MALRD1: variants seen among roughly 807,000 people sequenced by gnomAD.
The protein encoded by MALRD1 is MAM and LDL-receptor class A domain-containing protein 1.
In MALRD1, 247 loss-of-function variants were observed where a neutral mutation model predicts 242.1. The observed-to-expected ratio is 1.02, with a 90% CI of 0.92 to 1.13. The LOEUF (loss-of-function observed/expected upper bound fraction) is 1.13, where lower values mean the gene tolerates loss of function less well. Among genes scored for constraint, MALRD1 ranks in the 50% most tolerant of loss-of-function variants. The probability of loss-of-function intolerance (pLI) is 0.00; values close to 1 mark genes in which losing one functional copy is unlikely to be tolerated. For synonymous variants in MALRD1, 995 were observed against 866.6 expected (o/e 1.15, Z -2.60); for missense variants, 2,989 against 2,533.1 (o/e 1.18, Z -3.86).
intron 18 of MALRD1, among the ~76,000 whole-genome samples, chr10:19,250,291 CT>C (rs1839242061): frequency 6.6e-6 from 1 of 151,902 alleles, no homozygotes; most frequent in Non-Finnish European, 1.5e-5. Context: ...ACCTTCTTCA[CT>C]TTTTTCTAAA....
rs1425652239 is a variant in MALRD1 at position 19,384,569 on chromosome 10, A to G, written c.4442-2959A>G. 6.4e-5 allele frequency among the ~76,000 whole-genome samples: 8 copies of G among 124,418 alleles called. No homozygotes were observed. In the East Asian group the frequency reaches 1.7e-3, roughly 26 times the overall value. 81.6% of individuals were successfully genotyped at this position (124,418 alleles called of 152,430 possible). On this transcript the variant is annotated intron_variant, in intron 26 of 39. Transcript: ENST00000454679. The stretch of plus-strand genomic sequence containing the variant: ...ATATATTATATATTATATAGTGTAT[A>G]TAATATAATATTTACTATATATTAT...
chr10:19,498,611 C>T lies in MALRD1; in HGVS notation c.5285C>T (p.Ala1762Val). 4 of 1,550,110 alleles carry T rather than the reference C, an allele frequency of 2.6e-6. No individual in the cohort carries two copies. The highest frequency in any genetic ancestry group is 3.5e-6 in the Non-Finnish European group (4 of 1,146,756). Residue 1762 changes from alanine to valine, a missense_variant, in exon 31 of 40, where the codon GCC becomes GTC. Coordinates refer to ENST00000454679, the MANE Select transcript of MALRD1 (RefSeq NM_001142308.3). Reference sequence around the variant, plus strand: ...TGGGCCATTGGCAGCAGAATTCCTGCCAAAGCATTAATTCCAGACTCTGAT... The same window carrying T: ...TGGGCCATTGGCAGCAGAATTCCTGTCAAAGCATTAATTCCAGACTCTGAT... ...LDWAIGSRIP[A>V]KALIPDSDHT...
At chr10:19,051,525 A>G (rs1323184002) in intron 1 of MALRD1, 1 of 191,810 alleles carries the variant, frequency 5.2e-6, no homozygotes, top group Admixed American at 4.9e-5. Flanking sequence ...CTTGAAGGCC[A>G]GAAAGGAGTA....
At chr10:19,589,085 G>T (rs1189821079) in intron 33 of MALRD1, among the ~76,000 whole-genome samples, 1 of 152,072 alleles carries the variant, frequency 6.6e-6, no homozygotes, top group Non-Finnish European at 1.5e-5. Flanking sequence ...TATTAAAAGG[G>T]ATTTGGAGAA....
intron 1 of MALRD1, among the ~76,000 whole-genome samples, chr10:19,049,708 C>G (rs962824244): frequency 2.0e-5 from 3 of 152,018 alleles, no homozygotes; most frequent in Non-Finnish European, 4.4e-5. Flanking sequence ...CATCCAGGAC[C>G]CAAATCTCCT....
intron 18 of MALRD1, among the ~76,000 whole-genome samples, chr10:19,241,616 G>A (rs762101210): frequency 1.3e-5 from 2 of 151,814 alleles, no homozygotes; most frequent in Non-Finnish European, 2.9e-5. Context: ...TGTTTTTGAT[G>A]TTCTAGTTAC....
chr10:19,163,421 C>G (rs12250261), intron 12 of MALRD1, among the ~76,000 whole-genome samples: 1 of 150,442 alleles, frequency 6.6e-6, no homozygotes, highest in Admixed American at 6.6e-5. Flanking sequence ...AAATACCGCA[C>G]GTTCTCACTT....
At chr10:19,386,473 C>T (rs888929409) in intron 26 of MALRD1, among the ~76,000 whole-genome samples, 1 of 151,994 alleles carries the variant, frequency 6.6e-6, no homozygotes, top group African/African-American at 2.4e-5. Flanking sequence ...GCTGATATCC[C>T]AAGCTGGATT....
intron 1 of MALRD1, among the ~76,000 whole-genome samples, chr10:19,062,336 T>A (rs1590374702): frequency 6.6e-6 from 1 of 152,218 alleles, no homozygotes; most frequent in African/African-American, 2.4e-5. Context: ...GGTGGGAATG[T>A]AAAATGTTGT....
chr10:19,550,073 C>G (rs917752530), intron 32 of MALRD1, among the ~76,000 whole-genome samples: 4 of 152,032 alleles, frequency 2.6e-5, no homozygotes, highest in Non-Finnish European at 5.9e-5. Context: ...AGAAAGAAAA[C>G]TGGGGGATTC....
At chr10:19,076,760 T>C (rs1835332410) in intron 2 of MALRD1, among the ~76,000 whole-genome samples, 1 of 151,884 alleles carries the variant, frequency 6.6e-6, no homozygotes, top group African/African-American at 2.4e-5. Flanking sequence ...CTTTCAGGAG[T>C]TTTTTGTCTA....
intron 11 of MALRD1, among the ~76,000 whole-genome samples, chr10:19,147,814 C>G (rs1833777081): frequency 6.6e-6 from 1 of 152,066 alleles, no homozygotes; most frequent in Admixed American, 6.6e-5. Context: ...GAAAAGTAGT[C>G]AGGAAGCCAG....
At chr10:19,326,208 A>G (rs537315492) in intron 22 of MALRD1, among the ~76,000 whole-genome samples, 5 of 152,252 alleles carry the variant, frequency 3.3e-5, no homozygotes, top group African/African-American at 9.6e-5. Context: ...AGGCAAAACA[A>G]TTACTACAAC....
At chr10:19,348,329 C>G (rs970055257) in intron 25 of MALRD1, among the ~76,000 whole-genome samples, 4 of 152,038 alleles carry the variant, frequency 2.6e-5, no homozygotes, top group African/African-American at 9.7e-5. Context: ...CAGTTGTTTT[C>G]TCTTAAGAAG....
intron 38 of MALRD1, among the ~76,000 whole-genome samples, chr10:19,692,827 T>G (rs11011100): frequency 7.8e-5 from 11 of 141,136 alleles, no homozygotes; most frequent in South Asian, 2.2e-4. Context: ...TTTATATATA[T>G]ATGAAATTAT....
intron 24 of MALRD1, among the ~76,000 whole-genome samples, chr10:19,331,788 GTGTA>G (rs1220694332): frequency 3.3e-5 from 5 of 152,278 alleles, no homozygotes; most frequent in African/African-American, 9.6e-5. Flanking sequence ...GGCTGTGTGT[GTGTA>G]TGTGTGTATT....
intron 2 of MALRD1, among the ~76,000 whole-genome samples, chr10:19,073,068 CCA>C (rs139444234): frequency 0.038 from 5,848 of 151,910 alleles, 377 homozygotes; most frequent in African/African-American, 0.14. Context: ...GCATGTGCCA[CCA>C]TGCCCGGCTA....
intron 15 of MALRD1, 25 bp from the exon 16 acceptor site, chr10:19,204,283 T>TTTTG: frequency 1.2e-6 from 1 of 847,934 alleles, no homozygotes; most frequent in African/African-American, 1.8e-5. Context: ...AATGAAGCGT[T>TTTTG]TTTTTTTTTT....
chr10:19,084,947 A>C (rs1420539968), intron 2 of MALRD1, among the ~76,000 whole-genome samples: 4 of 152,058 alleles, frequency 2.6e-5, no homozygotes, highest in African/African-American at 7.2e-5. Flanking sequence ...GACTTTCATG[A>C]ATGCAGGCAC....
Sources: gnomAD v4.1 joint callset for allele counts (sites outside exome capture counted in the v4.1 genomes callset) on GRCh38, gnomAD v4.1.1 for gene constraint, MANE v1.5 for transcripts, NCBI Gene and HGNC (gene_info 2026-07-23, HGNC 2026-07-21) for gene names.